The following CTNNA3 variants were observed in gnomAD, a reference collection of about 807,000 sequenced individuals.
CTNNA3 encodes the protein catenin alpha 3.
CTNNA3 carries 76 observed loss-of-function variants against 95.7 expected under a neutral mutation model. The ratio of observed to expected loss-of-function variants is 0.79; its 90% CI spans 0.66 to 0.96. The LOEUF is 0.96. Ranked by LOEUF, CTNNA3 falls within the 40% of genes least tolerant of loss-of-function variation. The pLI is 0.00. For synonymous variants in CTNNA3, 431 were observed against 374.4 expected, an observed-to-expected ratio of 1.15 and a Z score of -1.74; for missense variants, 1,191 against 1,089.8, an observed-to-expected ratio of 1.09 and a Z score of -1.31.
At chr10:67,552,800 G>T (rs1447275269) in intron 3 of CTNNA3, among the ~76,000 whole-genome samples, 1 of 152,032 alleles carries the variant, frequency 6.6e-6, no homozygotes, top group Non-Finnish European at 1.5e-5. Context: ...GTTTGCTGAG[G>T]ATAAGGACTT....
At chr10:67,600,295 T>C (rs1451172096) in intron 3 of CTNNA3, among the ~76,000 whole-genome samples, 4 of 152,130 alleles carry the variant, frequency 2.6e-5, no homozygotes, top group Non-Finnish European at 5.9e-5. Context: ...TTCTTGACTT[T>C]GAAGTAGTTA....
At position 66,266,159 on chromosome 10, in the gene CTNNA3, A is replaced by AGAAGGAAGGAAGGAAAGAAG. The variant is rs1350578480; in HGVS notation, c.1884+14310_1884+14311insCTTCTTTCCTTCCTTCCTTC. Among the ~76,000 whole-genome samples, 231 of 131,418 alleles carry AGAAGGAAGGAAGGAAAGAAG rather than the reference A, an allele frequency of 1.8e-3. 1 individual carries two copies. Among genetic ancestry groups the AGAAGGAAGGAAGGAAAGAAG allele is most frequent in the African/African-American group, 6.3e-3 (218 of 34,860 alleles). 86.2% of individuals were successfully genotyped at this position (131,418 alleles called of 152,430 possible). On this transcript the variant is annotated intron_variant, in intron 13 of 17. Coordinates refer to ENST00000433211, the MANE Select transcript of CTNNA3 (RefSeq NM_013266.4). ...AGGAAGGAAAGAAGGAAGGAAGGAA[A>AGAAGGAAGGAAGGAAAGAAG]GAAGGAAGGAAGGAAGGGGCTCTGA...
At chr10:67,319,685 C>T (rs2132548485) in intron 5 of CTNNA3, among the ~76,000 whole-genome samples, 1 of 152,108 alleles carries the variant, frequency 6.6e-6, no homozygotes, top group African/African-American at 2.4e-5. Context: ...CACTTGAGGT[C>T]AGGAGTTTAA....
chr10:66,957,200 A>G (rs1239659592), intron 7 of CTNNA3, among the ~76,000 whole-genome samples: 1 of 152,030 alleles, frequency 6.6e-6, no homozygotes, highest in Non-Finnish European at 1.5e-5. Context: ...TATCAAAGAT[A>G]TCTCCCACAG....
intron 13 of CTNNA3, among the ~76,000 whole-genome samples, chr10:66,243,311 C>T (rs995875713): frequency 4.6e-5 from 7 of 152,292 alleles, no homozygotes; most frequent in South Asian, 2.1e-4. Context: ...GAATTCTCTT[C>T]CCTTTCCAGG....
chr10:66,924,637 C>T (rs958176951), intron 7 of CTNNA3, among the ~76,000 whole-genome samples: 2 of 152,126 alleles, frequency 1.3e-5, no homozygotes, highest in Non-Finnish European at 2.9e-5. Context: ...TAAAGTTGTT[C>T]TTTGTGAGTT....
chr10:65,990,145 T>A (rs1042194056), intron 15 of CTNNA3, among the ~76,000 whole-genome samples: 4 of 151,688 alleles, frequency 2.6e-5, no homozygotes, highest in Non-Finnish European at 5.9e-5. Flanking sequence ...AACACTTAGG[T>A]TGATTTCACA....
At chr10:66,372,294 A>C (rs989960039) in intron 12 of CTNNA3, among the ~76,000 whole-genome samples, 1 of 152,228 alleles carries the variant, frequency 6.6e-6, no homozygotes, top group Non-Finnish European at 1.5e-5. Flanking sequence ...AATCTGAATT[A>C]GTCATTTTAC....
chr10:66,839,617 G>A (rs1427378649), intron 7 of CTNNA3, among the ~76,000 whole-genome samples: 1 of 152,050 alleles, frequency 6.6e-6, no homozygotes, highest in African/African-American at 2.4e-5. Flanking sequence ...ACTCTTCCAT[G>A]ATATTCACAC....
intron 7 of CTNNA3, among the ~76,000 whole-genome samples, chr10:66,821,515 A>G (rs1333452371): frequency 6.6e-6 from 1 of 152,180 alleles, no homozygotes; most frequent in Non-Finnish European, 1.5e-5. Flanking sequence ...CTGAAAATTC[A>G]CAGGGGAATC....
intron 15 of CTNNA3, among the ~76,000 whole-genome samples, chr10:66,068,327 T>C (rs988590832): frequency 2.0e-5 from 3 of 152,124 alleles, no homozygotes; most frequent in Non-Finnish European, 4.4e-5. Context: ...TATCCAGTTA[T>C]CCATTTACAT....
At chr10:67,122,555 A>G (rs1424913705) in intron 7 of CTNNA3, among the ~76,000 whole-genome samples, 2 of 152,064 alleles carry the variant, frequency 1.3e-5, no homozygotes, top group Admixed American at 6.6e-5. Flanking sequence ...AAAACATACA[A>G]TTTGGTCTGT....
At chr10:66,845,700 T>G (rs1472913554) in intron 7 of CTNNA3, among the ~76,000 whole-genome samples, 2 of 4,632 alleles carry the variant, frequency 4.3e-4, no homozygotes, top group Non-Finnish European at 1.0e-3. Flanking sequence ...CAAAACTCTG[T>G]CTCAAAAAAA....
chr10:67,172,515 T>TTA (rs1465546203), intron 7 of CTNNA3, among the ~76,000 whole-genome samples: 2 of 152,144 alleles, frequency 1.3e-5, no homozygotes, highest in African/African-American at 4.8e-5. Context: ...CTTGTGTTTA[T>TTA]TATATATATA....
intron 11 of CTNNA3, among the ~76,000 whole-genome samples, chr10:66,388,488 G>T (rs1295022401): frequency 1.3e-5 from 2 of 152,020 alleles, no homozygotes; most frequent in Admixed American, 6.6e-5. Flanking sequence ...TTAAAGCAGT[G>T]AATAAAAATA....
intron 13 of CTNNA3, among the ~76,000 whole-genome samples, chr10:66,155,288 A>G (rs987018486): frequency 6.6e-6 from 1 of 151,794 alleles, no homozygotes; most frequent in Non-Finnish European, 1.5e-5. Context: ...TATTTCAGTG[A>G]TTCCATAAGC....
chr10:67,499,103 C>G (rs988263669), intron 5 of CTNNA3, among the ~76,000 whole-genome samples: 1 of 152,044 alleles, frequency 6.6e-6, no homozygotes, highest in Non-Finnish European at 1.5e-5. Context: ...TTTTGAGATA[C>G]GTTCCATCAA....
chr10:67,375,717 C>T (rs1389747060), intron 5 of CTNNA3, among the ~76,000 whole-genome samples: 1 of 152,172 alleles, frequency 6.6e-6, no homozygotes, highest in Non-Finnish European at 1.5e-5. Context: ...GGATTCTTCT[C>T]TACTTCATTG....
chr10:65,930,337 G>C (rs1177527369), intron 17 of CTNNA3, among the ~76,000 whole-genome samples: 2 of 151,808 alleles, frequency 1.3e-5, no homozygotes, highest in East Asian at 3.9e-4. Context: ...TTCACCATCA[G>C]CCCAAGTTGT....
Sources: gnomAD v4.1 joint callset for allele counts (sites outside exome capture counted in the v4.1 genomes callset) on GRCh38, gnomAD v4.1.1 for gene constraint, MANE v1.5 for transcripts, NCBI Gene and HGNC (gene_info 2026-07-23, HGNC 2026-07-21) for gene names.